The following EYA1 variants were observed in gnomAD, a reference collection of about 807,000 sequenced individuals.
EYA1 encodes the protein EYA transcriptional coactivator and phosphatase 1.
In EYA1, 16 loss-of-function variants were observed where a neutral mutation model predicts 82.0. The observed-to-expected ratio is 0.20, with a 90% CI of 0.13 to 0.30. EYA1 has a LOEUF of 0.30. EYA1 is among the 10% of genes least tolerant of loss of function. EYA1 has a pLI of 1.00. For missense variants in EYA1, 633 were observed against 730.7 expected (o/e 0.87, Z 1.54); for synonymous variants, 261 against 264.4 (o/e 0.99, Z 0.12).
intron 2 of EYA1, among the ~76,000 whole-genome samples, chr8:71,483,694 G>A (rs747393399): frequency 1.3e-5 from 2 of 150,976 alleles, no homozygotes; most frequent in African/African-American, 2.5e-5. Context: ...TGTGTGTGTT[G>A]GGTATGCAAA....
intron 11 of EYA1, among the ~76,000 whole-genome samples, chr8:71,246,229 A>G (rs1410248702): frequency 6.6e-6 from 1 of 152,160 alleles, no homozygotes; most frequent in Non-Finnish European, 1.5e-5. Flanking sequence ...ATAATTTATG[A>G]TATACTATTT....
chr8:71,473,559 G>A (rs1471337253), intron 2 of EYA1, among the ~76,000 whole-genome samples: 3 of 152,172 alleles, frequency 2.0e-5, no homozygotes, highest in Non-Finnish European at 4.4e-5. Flanking sequence ...AACAGATGCT[G>A]GAGAGGATGT....
chr8:71,241,115 A>C (rs902418246), intron 12 of EYA1, among the ~76,000 whole-genome samples: 5 of 152,164 alleles, frequency 3.3e-5, no homozygotes, highest in African/African-American at 4.8e-5. Flanking sequence ...TCTTGGGGGG[A>C]AAATATTATT....
chr8:71,238,581 T>C (rs1456081006), intron 12 of EYA1, among the ~76,000 whole-genome samples: 1 of 152,120 alleles, frequency 6.6e-6, no homozygotes, highest in Non-Finnish European at 1.5e-5. Context: ...TTATGATATT[T>C]TTTGTTTTTG....
chr8:71,299,744 C>T (rs770613479), intron 7 of EYA1, 24 bp from the exon 8 acceptor site: 3 of 1,187,650 alleles, frequency 2.5e-6, no homozygotes, highest in South Asian at 2.4e-5. Flanking sequence ...AAAAGAAATA[C>T]GATTATACCA....
chr8:71,405,983 G>A (rs1421634752), intron 2 of EYA1, among the ~76,000 whole-genome samples: 2 of 152,258 alleles, frequency 1.3e-5, no homozygotes, highest in East Asian at 3.9e-4. Context: ...ACAGCATAGG[G>A]ATATCATTAA....
intron 9 of EYA1, among the ~76,000 whole-genome samples, chr8:71,274,163 A>G (rs1012385008): frequency 1.3e-5 from 2 of 152,210 alleles, no homozygotes; most frequent in African/African-American, 4.8e-5. Flanking sequence ...TTCCAGGTAA[A>G]GGGAAAAAAA....
chr8:71,299,761 T>C (rs1819999235), intron 7 of EYA1, 41 bp from the exon 8 acceptor site: 2 of 1,022,914 alleles, frequency 2.0e-6, no homozygotes, highest in Non-Finnish European at 1.5e-6. Flanking sequence ...ACCAGGCTTG[T>C]GGAATAATGT....
chr8:71,265,057 C>G (rs1815618126), intron 11 of EYA1, among the ~76,000 whole-genome samples: 1 of 152,186 alleles, frequency 6.6e-6, no homozygotes, highest in African/African-American at 2.4e-5. Flanking sequence ...GATCCTCTTT[C>G]TATCACACTC....
intron 7 of EYA1, among the ~76,000 whole-genome samples, chr8:71,310,028 C>T (rs1821163413): frequency 6.6e-6 from 1 of 152,090 alleles, no homozygotes; most frequent in Non-Finnish European, 1.5e-5. Flanking sequence ...TCTGTGCAGC[C>T]CCTTCGATCT....
chr8:71,239,778 C>T (rs1585939754), intron 12 of EYA1, among the ~76,000 whole-genome samples: 1 of 152,296 alleles, frequency 6.6e-6, no homozygotes, highest in East Asian at 1.9e-4. Flanking sequence ...GCTCTAGCAT[C>T]CACACAAAAG....
chr8:71,494,034 A>AACAAAAAAAC (rs1175576117), intron 2 of EYA1, among the ~76,000 whole-genome samples: 1 of 148,668 alleles, frequency 6.7e-6, no homozygotes, highest in African/African-American at 2.5e-5. Context: ...AAAAAAAAAA[A>AACAAAAAAAC]AAAAAAAAAA....
At chr8:71,412,387 TATAAA>T (rs1198782921) in intron 2 of EYA1, among the ~76,000 whole-genome samples, 3 of 141,882 alleles carry the variant, frequency 2.1e-5, no homozygotes, top group East Asian at 2.0e-4. Context: ...AATAAAAAAA[TATAAA>T]ATAAAATAAA....
At chr8:71,410,031 C>A (rs1741185770) in intron 2 of EYA1, among the ~76,000 whole-genome samples, 1 of 152,018 alleles carries the variant, frequency 6.6e-6, no homozygotes, top group African/African-American at 2.4e-5. Context: ...CCACCATGAT[C>A]AAGTGGGCTT....
chr8:71,389,535 G>C (rs1226713922), intron 2 of EYA1, among the ~76,000 whole-genome samples: 1 of 152,062 alleles, frequency 6.6e-6, no homozygotes, highest in Non-Finnish European at 1.5e-5. Context: ...TTACACATCA[G>C]CTTTTGTCAA....
chr8:71,536,937 G>A (rs1392332270), intron 1 of EYA1, among the ~76,000 whole-genome samples: 4 of 152,176 alleles, frequency 2.6e-5, no homozygotes, highest in Non-Finnish European at 5.9e-5. Flanking sequence ...TCTGGAAAAT[G>A]AGAAATTTTA....
intron 11 of EYA1, among the ~76,000 whole-genome samples, chr8:71,258,437 T>A (rs1187463139): frequency 6.6e-6 from 1 of 152,220 alleles, no homozygotes; most frequent in African/African-American, 2.4e-5. Context: ...ATGTTTTTAA[T>A]GATCATTTAT....
intron 2 of EYA1, chr8:71,404,244 CAT>C (rs1830099409): frequency 1.3e-5 from 2 of 152,164 alleles, no homozygotes; most frequent in African/African-American, 4.8e-5. Context: ...TTGTCCATAT[CAT>C]AGTCATTGAA....
At chr8:71,443,305 C>CG (rs995320176) in intron 2 of EYA1, among the ~76,000 whole-genome samples, 14 of 151,984 alleles carry the variant, frequency 9.2e-5, no homozygotes, top group African/African-American at 2.9e-4. Flanking sequence ...ATTTTTTTGG[C>CG]GGGGGGGATA....
Sources: gnomAD v4.1 joint callset for allele counts (sites outside exome capture counted in the v4.1 genomes callset) on GRCh38, gnomAD v4.1.1 for gene constraint, MANE v1.5 for transcripts, NCBI Gene and HGNC (gene_info 2026-07-23, HGNC 2026-07-21) for gene names.